Variants in TCF12 observed in about 807,000 individuals in gnomAD.
The protein encoded by TCF12 is transcription factor 12.
TCF12 carries 45 observed loss-of-function variants against 86.0 expected under a neutral mutation model. The ratio of observed to expected loss-of-function variants is 0.52; its 90% confidence interval spans 0.41 to 0.67. TCF12 has a LOEUF of 0.67. TCF12 is among the 30% of genes least tolerant of loss of function. TCF12 has a pLI of 0.00. For synonymous variants in TCF12, 330 were observed against 299.6 expected, an observed-to-expected ratio of 1.10 and a Z score of -1.05; for missense variants, 881 against 859.9, an observed-to-expected ratio of 1.02 and a Z score of -0.31.
At chr15:57,265,068 A>AATAGTATAGTATAGT (rs71113096) in intron 18 of TCF12, among the ~76,000 whole-genome samples, 219 of 139,714 alleles carry the variant, frequency 1.6e-3, no homozygotes, top group East Asian at 3.3e-3. Context: ...TCTAATGATA[A>AATAGTATAGTATAGT]ATAGTATAGT....
At chr15:57,281,171 A>G (rs2061669545) in intron 19 of TCF12, among the ~76,000 whole-genome samples, 1 of 147,692 alleles carries the variant, frequency 6.8e-6, no homozygotes, top group Non-Finnish European at 1.5e-5. Context: ...TGGCACGATC[A>G]CTGCAGCCTT....
intron 18 of TCF12, among the ~76,000 whole-genome samples, chr15:57,264,662 C>T (rs910834120): frequency 2.0e-5 from 3 of 152,156 alleles, no homozygotes; most frequent in Admixed American, 6.5e-5. Context: ...CACATCTTGT[C>T]CCACTGAATG....
At chr15:57,160,284 C>T (rs2151505514) in intron 5 of TCF12, among the ~76,000 whole-genome samples, 1 of 152,262 alleles carries the variant, frequency 6.6e-6, no homozygotes, top group Non-Finnish European at 1.5e-5. Context: ...GCAAACACAT[C>T]CTTCTTCACG....
intron 5 of TCF12, among the ~76,000 whole-genome samples, chr15:57,143,858 G>A (rs1429663892): frequency 1.3e-5 from 2 of 152,134 alleles, no homozygotes; most frequent in African/African-American, 2.4e-5. Context: ...TTGGAGATAG[G>A]CTACTTTGTG....
intron 3 of TCF12, among the ~76,000 whole-genome samples, chr15:57,014,571 C>G (rs2065033984): frequency 6.6e-6 from 1 of 152,144 alleles, no homozygotes; most frequent in African/African-American, 2.4e-5. Context: ...TTGGGAGTTA[C>G]ATAGATGTAT....
intron 5 of TCF12, among the ~76,000 whole-genome samples, chr15:57,156,995 A>G (rs1207446002): frequency 2.6e-5 from 4 of 152,240 alleles, no homozygotes. Flanking sequence ...CATTAATGTC[A>G]GGAAGGAAAT....
At chr15:57,177,798 G>A (rs1405561912) in intron 6 of TCF12, among the ~76,000 whole-genome samples, 1 of 151,934 alleles carries the variant, frequency 6.6e-6, no homozygotes, top group Admixed American at 6.6e-5. Context: ...ACAGCTCACT[G>A]CAGCCTTGAC....
intron 5 of TCF12, among the ~76,000 whole-genome samples, chr15:57,105,382 C>G (rs975425952): frequency 6.6e-6 from 1 of 152,030 alleles, no homozygotes; most frequent in Non-Finnish European, 1.5e-5. Context: ...CTCATTGTAC[C>G]TGCATAATTA....
chr15:56,967,151 A>T (rs1415037285), intron 3 of TCF12, among the ~76,000 whole-genome samples: 1 of 152,136 alleles, frequency 6.6e-6, no homozygotes, highest in Non-Finnish European at 1.5e-5. Context: ...CCACCAAAAA[A>T]AAAATATTAA....
chr15:57,089,546 A>T (rs1368725970), intron 4 of TCF12, among the ~76,000 whole-genome samples: 2 of 151,924 alleles, frequency 1.3e-5, no homozygotes, highest in Non-Finnish European at 2.9e-5. Context: ...ATACATTTCA[A>T]ACTTAGATAT....
chr15:56,996,115 T>G (rs1175597937), intron 3 of TCF12, among the ~76,000 whole-genome samples: 2 of 152,224 alleles, frequency 1.3e-5, no homozygotes, highest in African/African-American at 4.8e-5. Flanking sequence ...TGAACCAGCC[T>G]TGCATCCCAG....
At chr15:57,187,816 G>A (rs2056762079) in intron 6 of TCF12, among the ~76,000 whole-genome samples, 1 of 152,102 alleles carries the variant, frequency 6.6e-6, no homozygotes, top group African/African-American at 2.4e-5. Context: ...TTTAATCCCA[G>A]GTACTCAGGA....
chr15:56,953,804 T>TG (rs1417778039), intron 3 of TCF12, among the ~76,000 whole-genome samples: 1 of 151,378 alleles, frequency 6.6e-6, no homozygotes, highest in African/African-American at 2.4e-5. Flanking sequence ...CTTCTTTTCT[T>TG]GATCACTGTG....
intron 5 of TCF12, among the ~76,000 whole-genome samples, chr15:57,126,116 C>G (rs1337865700): frequency 6.6e-6 from 1 of 152,110 alleles, no homozygotes; most frequent in Non-Finnish European, 1.5e-5. Flanking sequence ...TGGCATGCAC[C>G]TGTAGTCCCA....
intron 19 of TCF12, among the ~76,000 whole-genome samples, chr15:57,281,130 G>T (rs1196379362): frequency 2.1e-5 from 3 of 145,478 alleles, no homozygotes; most frequent in African/African-American, 7.7e-5. Context: ...TTGAGACAGG[G>T]TCTTGCTCTG....
intron 4 of TCF12, among the ~76,000 whole-genome samples, chr15:57,074,483 A>G (rs1466535568): frequency 6.6e-6 from 1 of 151,942 alleles, no homozygotes; most frequent in African/African-American, 2.4e-5. Flanking sequence ...GGGTTTTTAA[A>G]TGCCCAACAA....
intron 3 of TCF12, among the ~76,000 whole-genome samples, chr15:57,060,761 G>C (rs189957472): frequency 6.5e-4 from 99 of 152,140 alleles, no homozygotes; most frequent in Non-Finnish European, 1.1e-3. Flanking sequence ...TTCAGATTTT[G>C]GTCAATTTGT....
chr15:57,083,303 T>C (rs1186563935), intron 4 of TCF12, among the ~76,000 whole-genome samples: 3 of 152,138 alleles, frequency 2.0e-5, no homozygotes, highest in African/African-American at 4.8e-5. Flanking sequence ...CATTTAAAAA[T>C]TGAAAGAAAA....
chr15:57,126,499 C>T (rs1387706877), intron 5 of TCF12, among the ~76,000 whole-genome samples: 1 of 152,188 alleles, frequency 6.6e-6, no homozygotes, highest in African/African-American at 2.4e-5. Flanking sequence ...AATCATTTCT[C>T]ATGCATATTG....
Sources: allele counts gnomAD v4.1 joint callset (sites outside exome capture counted in the v4.1 genomes callset), GRCh38; gene constraint gnomAD v4.1.1; transcripts MANE v1.5; gene names NCBI Gene and HGNC (gene_info 2026-07-23, HGNC 2026-07-21).